Variants in COL22A1 observed in about 807,000 individuals in gnomAD.
COL22A1 encodes the protein collagen type XXII alpha 1 chain, also known as collagen alpha-1(XXII) chain.
A neutral mutation model predicts 248.9 loss-of-function variants in COL22A1; 221 were observed. The ratio of observed to expected loss-of-function variants is 0.89; its 90% CI spans 0.80 to 0.99. COL22A1 has a LOEUF of 0.99. Among genes scored for constraint, COL22A1 ranks in the 50% least tolerant of loss-of-function variants. The pLI, the probability that COL22A1 is intolerant of heterozygous loss-of-function variation, is 0.00. For synonymous variants in COL22A1, 891 were observed against 793.4 expected (o/e 1.12, Z -2.07); for missense variants, 2,240 against 2,179.0 (o/e 1.03, Z -0.56).
chr8:138,833,026 A>C lies in COL22A1; in HGVS notation c.845+13T>G. ...CACCCTGGGCAGGTCTGGAAAGAGA[A>C]GTGGCCACTCACTCAGTACTTTGCA... On this transcript the variant is annotated intron_variant, in intron 5 of 64. Transcript: ENST00000303045. The C allele has an allele frequency of 7.2e-6, 11 of 1,518,882 alleles. No homozygotes were observed. Among genetic ancestry groups the C allele is most frequent in the Non-Finnish European group, 9.1e-6 (10 of 1,093,542 alleles). 94.1% of individuals were successfully genotyped at this position (1,518,882 alleles called of 1,614,324 possible). A position where few individuals can be genotyped will look rare whatever the true frequency, so the allele number is the denominator to read the frequency against.
chr8:138,768,948 A>C (rs1178291054), intron 16 of COL22A1, among the ~76,000 whole-genome samples: 1 of 151,890 alleles, frequency 6.6e-6, no homozygotes, highest in Non-Finnish European at 1.5e-5. Flanking sequence ...AGAAAAAAAA[A>C]AGAGGATGCC....
At chr8:138,726,994 A>G (rs1157624663) in intron 23 of COL22A1, among the ~76,000 whole-genome samples, 3 of 152,170 alleles carry the variant, frequency 2.0e-5, no homozygotes, top group Non-Finnish European at 4.4e-5. Context: ...GGCGAGCTGG[A>G]ATCACACAAC....
chr8:138,777,259 C>G (rs994063541), intron 15 of COL22A1, among the ~76,000 whole-genome samples: 1 of 152,194 alleles, frequency 6.6e-6, no homozygotes, highest in Admixed American at 6.5e-5. Context: ...AGAGAGAGTA[C>G]AGGGCCAAGG....
chr8:138,660,852 ATAC>A (rs1564158095), intron 43 of COL22A1, among the ~76,000 whole-genome samples: 4 of 127,416 alleles, frequency 3.1e-5, no homozygotes, highest in East Asian at 4.6e-4. Context: ...ACACACACAC[ATAC>A]ACAGACACAC....
At chr8:138,591,843 A>AT (rs1428904669) in intron 63 of COL22A1, among the ~76,000 whole-genome samples, 1 of 152,234 alleles carries the variant, frequency 6.6e-6, no homozygotes, top group Admixed American at 6.5e-5. Context: ...CCATATTAAC[A>AT]ACTGTATACA....
Position 138,607,997 on chromosome 8 carries a change from A to G in COL22A1, c.3979-8T>C. ...CGGTGATCCATTCTTGCCCTGGTGG[A>G]AGAAACAGAGGTAATCATCCTGCCA... On this transcript the variant is annotated splice_region_variant and splice_polypyrimidine_tract_variant and intron_variant, in intron 56 of 64. Coordinates refer to ENST00000303045, the MANE Select transcript of COL22A1 (RefSeq NM_152888.3). 6.2e-7 allele frequency: 1 copy of G among 1,613,946 alleles called. No individual in the cohort carries two copies. The highest frequency in any genetic ancestry group is 8.5e-7 in the Non-Finnish European group (1 of 1,179,912).
intron 47 of COL22A1, among the ~76,000 whole-genome samples, chr8:138,643,017 A>G (rs1821853339): frequency 6.7e-6 from 1 of 150,356 alleles, no homozygotes; most frequent in South Asian, 2.1e-4. Context: ...CAACAGAGCA[A>G]GACTCTATCT....
chr8:138,701,745 G>A (rs964961742), intron 31 of COL22A1, among the ~76,000 whole-genome samples: 1 of 152,208 alleles, frequency 6.6e-6, no homozygotes, highest in Non-Finnish European at 1.5e-5. Flanking sequence ...ACAGAATGAA[G>A]TTCAAGCTGC....
chr8:138,840,348 T>C (rs985700301), intron 4 of COL22A1, among the ~76,000 whole-genome samples: 11 of 152,018 alleles, frequency 7.2e-5, no homozygotes, highest in Non-Finnish European at 1.5e-4. Flanking sequence ...CCAGCTGACA[T>C]TGTGATTTCT....
At chr8:138,666,440 G>A (rs1824511813) in intron 41 of COL22A1, among the ~76,000 whole-genome samples, 2 of 152,180 alleles carry the variant, frequency 1.3e-5, no homozygotes, top group South Asian at 2.1e-4. Flanking sequence ...TGCTATAGAT[G>A]GAGAAACTAA....
At chr8:138,635,983 A>C (rs1433025127) in intron 48 of COL22A1, among the ~76,000 whole-genome samples, 3 of 152,170 alleles carry the variant, frequency 2.0e-5, no homozygotes, top group Non-Finnish European at 2.9e-5. Flanking sequence ...TCTCAGAGCC[A>C]GGTGCAGTGC....
At chr8:138,800,418 G>T (rs962014100) in intron 11 of COL22A1, among the ~76,000 whole-genome samples, 1 of 152,144 alleles carries the variant, frequency 6.6e-6, no homozygotes, top group Non-Finnish European at 1.5e-5. Flanking sequence ...TTATCTTTTT[G>T]GGGGGAGTAG....
At chr8:138,869,920 C>A (rs1243661673) in intron 3 of COL22A1, among the ~76,000 whole-genome samples, 3 of 152,094 alleles carry the variant, frequency 2.0e-5, no homozygotes, top group African/African-American at 7.2e-5. Flanking sequence ...TACATGTTCC[C>A]AGATGTGTGT....
At chr8:138,700,285 A>C in intron 31 of COL22A1, 141 bp from the exon 32 acceptor site, 2 of 759,438 alleles carry the variant, frequency 2.6e-6, no homozygotes, top group Non-Finnish European at 4.4e-6. Context: ...TTTGACAATT[A>C]GATTCACATC....
intron 3 of COL22A1, among the ~76,000 whole-genome samples, chr8:138,861,821 G>T (rs1202371332): frequency 6.6e-6 from 1 of 152,112 alleles, no homozygotes; most frequent in Admixed American, 6.5e-5. Flanking sequence ...GGGATGTACA[G>T]TTTGCAAAAA....
At chr8:138,786,440 C>T (rs946862832) in intron 12 of COL22A1, among the ~76,000 whole-genome samples, 1 of 152,116 alleles carries the variant, frequency 6.6e-6, no homozygotes, top group Non-Finnish European at 1.5e-5. Context: ...TGATTCCTGC[C>T]CTATGAAAAC....
intron 64 of COL22A1, 94 bp downstream of exon 64, chr8:138,591,330 C>T (rs536129974): frequency 1.5e-5 from 11 of 750,344 alleles, no homozygotes; most frequent in East Asian, 9.6e-5. Context: ...CCCTCCTCTC[C>T]GCTCACTGCT....
intron 56 of COL22A1, among the ~76,000 whole-genome samples, chr8:138,609,450 C>T (rs954548392): frequency 2.3e-4 from 35 of 152,300 alleles, no homozygotes; most frequent in Admixed American, 1.6e-3. Flanking sequence ...GCAGCACAGA[C>T]GTCTTTCTCC....
In COL22A1 at chr8:138,894,470, A is replaced by G. The variant is rs192103073; in HGVS notation, c.-72-11226T>C. ...ATCTGGAAGCAAGCCCAGATTTCCAATTTGAGCATCAGGGAGCCAATCAGT... is the reference window on the plus strand; with the variant it reads ...ATCTGGAAGCAAGCCCAGATTTCCAGTTTGAGCATCAGGGAGCCAATCAGT... On this transcript the variant is annotated intron_variant, in intron 1 of 64. Coordinates refer to ENST00000303045, the MANE Select transcript of COL22A1 (RefSeq NM_152888.3). Among the ~76,000 whole-genome samples the G allele has an allele frequency of 1.5e-3, 232 of 152,268 alleles. 3 individuals carry two copies. Among genetic ancestry groups the G allele is most frequent in the Non-Finnish European group, 1.6e-3 (112 of 68,022 alleles).
Sources: gnomAD v4.1 joint callset for allele counts (sites outside exome capture counted in the v4.1 genomes callset) on GRCh38, gnomAD v4.1.1 for gene constraint, MANE v1.5 for transcripts, NCBI Gene and HGNC (gene_info 2026-07-23, HGNC 2026-07-21) for gene names.